Variants in BRD10 observed in about 807,000 individuals in gnomAD.
BRD10 encodes the protein bromodomain containing 10, also known as uncharacterized bromodomain-containing protein 10.
chr9:5,953,421 C>CT, the BRD10 span, among the ~76,000 whole-genome samples: 1 of 152,092 alleles, frequency 6.6e-6, no homozygotes, highest in African/African-American at 2.4e-5. Flanking sequence ...AAACTCTTCA[C>CT]TTAATCATAT....
the BRD10 span, among the ~76,000 whole-genome samples, chr9:5,880,837 T>C: frequency 1.3e-5 from 2 of 151,992 alleles, no homozygotes; most frequent in African/African-American, 2.4e-5. Context: ...CCTGAGTAGC[T>C]AGGATTACAG....
the BRD10 span, among the ~76,000 whole-genome samples, chr9:5,976,945 A>G: frequency 4.6e-5 from 7 of 152,198 alleles, no homozygotes; most frequent in Non-Finnish European, 1.0e-4. Flanking sequence ...AGATGAAAAA[A>G]CTTTTATGGA....
At chr9:5,919,678 C>G in the BRD10 span, 2 of 1,588,094 alleles carry the variant, frequency 1.3e-6, no homozygotes, top group South Asian at 1.1e-5. Context: ...CTCTTTTAGT[C>G]TAAATTCAAG....
the BRD10 span, among the ~76,000 whole-genome samples, chr9:5,884,824 G>A: frequency 2.0e-5 from 3 of 152,154 alleles, no homozygotes; most frequent in East Asian, 1.9e-4. Context: ...GATTTACCAC[G>A]TTTCTGATTT....
chr9:5,969,589 G>C, the BRD10 span, among the ~76,000 whole-genome samples: 1 of 152,026 alleles, frequency 6.6e-6, no homozygotes, highest in Admixed American at 6.6e-5. Flanking sequence ...TGTCCCCCAG[G>C]CTGTAGTGCA....
chr9:5,928,715 A>G, the BRD10 span, among the ~76,000 whole-genome samples: 2 of 152,148 alleles, frequency 1.3e-5, no homozygotes, highest in Non-Finnish European at 2.9e-5. Context: ...TTTCCCTGAC[A>G]CCTGATCAAA....
At chr9:5,953,043 T>G in the BRD10 span, among the ~76,000 whole-genome samples, 61 of 152,162 alleles carry the variant, frequency 4.0e-4, no homozygotes, top group Non-Finnish European at 7.9e-4. Flanking sequence ...AAATGTTAAA[T>G]TTTTACCAGT....
the BRD10 span, among the ~76,000 whole-genome samples, chr9:5,997,268 C>G: frequency 6.6e-6 from 1 of 152,200 alleles, no homozygotes; most frequent in African/African-American, 2.4e-5. Context: ...TCATCTTTCA[C>G]TTCATGAATG....
At chr9:5,979,376 T>C in the BRD10 span, among the ~76,000 whole-genome samples, 1 of 151,994 alleles carries the variant, frequency 6.6e-6, no homozygotes, top group Non-Finnish European at 1.5e-5. Flanking sequence ...TTGCCAAGTG[T>C]GGTGGTCATG....
At chr9:5,881,793 T>C in the BRD10 span, 2 of 152,234 alleles carry the variant, frequency 1.3e-5, no homozygotes, top group African/African-American at 4.8e-5. Context: ...AGTGTTGAAA[T>C]ATCATCCTGA....
At chr9:5,919,651 C>G in the BRD10 span, 1 of 1,551,178 alleles carries the variant, frequency 6.4e-7, no homozygotes, top group South Asian at 1.2e-5. Context: ...AACAATGCCC[C>G]ATTATTTAAA....
the BRD10 span, among the ~76,000 whole-genome samples, chr9:5,978,025 G>C: frequency 6.6e-6 from 1 of 152,178 alleles, no homozygotes; most frequent in African/African-American, 2.4e-5. Flanking sequence ...CCAAAAGGCT[G>C]CCTAAGGATA....
the BRD10 span, among the ~76,000 whole-genome samples, chr9:5,936,979 C>G: frequency 6.6e-6 from 1 of 152,154 alleles, no homozygotes; most frequent in African/African-American, 2.4e-5. Flanking sequence ...TGCCTGTAAT[C>G]CCAGCACTTT....
the BRD10 span, chr9:5,910,512 TC>T: frequency 6.6e-6 from 1 of 152,148 alleles, no homozygotes; most frequent in African/African-American, 2.4e-5. Context: ...TTTGGGTACC[TC>T]CTCCCCTCAC....
the BRD10 span, among the ~76,000 whole-genome samples, chr9:5,930,369 T>TTTTATACATATATATATATA: frequency 7.4e-6 from 1 of 135,536 alleles, no homozygotes; most frequent in South Asian, 2.5e-4. Flanking sequence ...TATAAGGAGA[T>TTTTATACATATATATATATA]TATATATATA....
chr9:5,925,398 A>G, the BRD10 span, among the ~76,000 whole-genome samples: 2 of 151,584 alleles, frequency 1.3e-5, no homozygotes. Context: ...AAAATTATAT[A>G]TATCTGCAAA....
chr9:5,896,309 G>A, the BRD10 span, among the ~76,000 whole-genome samples: 1 of 152,222 alleles, frequency 6.6e-6, no homozygotes, highest in Non-Finnish European at 1.5e-5. Context: ...TCAATGAATG[G>A]TAGTCACTAT....
the BRD10 span, among the ~76,000 whole-genome samples, chr9:5,927,510 T>A: frequency 1.7e-4 from 26 of 152,212 alleles, 1 homozygote; most frequent in Admixed American, 1.7e-3. Context: ...CAAAACTCCA[T>A]GAAAGAGGAC....
chr9:5,965,869 G>A, the BRD10 span, among the ~76,000 whole-genome samples: 5 of 152,168 alleles, frequency 3.3e-5, no homozygotes, highest in African/African-American at 1.2e-4. Flanking sequence ...AAGAAGAACA[G>A]GGTAAAGCCT....
Sources: gnomAD v4.1 joint callset for allele counts (sites outside exome capture counted in the v4.1 genomes callset) on GRCh38, gnomAD v4.1.1 for gene constraint, MANE v1.5 for transcripts, NCBI Gene and HGNC (gene_info 2026-07-23, HGNC 2026-07-21) for gene names.